Variants in ZNF385D observed in about 807,000 individuals in gnomAD.
ZNF385D encodes zinc finger protein 659.
A neutral mutation model predicts 35.8 loss-of-function variants in ZNF385D; 15 were observed. That is an observed-to-expected ratio of 0.42 (90% CI 0.28 to 0.64). The LOEUF is 0.64. Among genes scored for constraint, ZNF385D ranks in the 30% least tolerant of loss-of-function variants. ZNF385D has a pLI of 0.23. For synonymous variants in ZNF385D, 212 were observed against 186.8 expected, an observed-to-expected ratio of 1.13 and a Z score of -1.10; for missense variants, 474 against 494.6, an observed-to-expected ratio of 0.96 and a Z score of 0.39.
At chr3:22,271,749 C>A (rs894442097) in intron 2 of ZNF385D, among the ~76,000 whole-genome samples, 4 of 151,984 alleles carry the variant, frequency 2.6e-5, no homozygotes, top group Admixed American at 6.6e-5. Context: ...CTCCGTAACC[C>A]CTCCCATCAA....
intron 4 of ZNF385D, among the ~76,000 whole-genome samples, chr3:21,453,160 T>C (rs1702567080): frequency 1.2e-5 from 1 of 84,358 alleles, no homozygotes; most frequent in Non-Finnish European, 3.0e-5. Context: ...CAAATAAGCA[T>C]ACACATGCAA....
chr3:21,796,937 G>T (rs1458460319), intron 3 of ZNF385D, among the ~76,000 whole-genome samples: 1 of 152,124 alleles, frequency 6.6e-6, no homozygotes, highest in Admixed American at 6.6e-5. Flanking sequence ...CCTTCCCCCT[G>T]CCCATACTTA....
At chr3:22,250,875 A>G (rs764781745) in intron 2 of ZNF385D, among the ~76,000 whole-genome samples, 2 of 152,044 alleles carry the variant, frequency 1.3e-5, no homozygotes, top group Non-Finnish European at 2.9e-5. Context: ...ACCTTAATCC[A>G]TGGGATCCAA....
intron 3 of ZNF385D, among the ~76,000 whole-genome samples, chr3:21,872,720 C>A (rs961580000): frequency 2.6e-5 from 4 of 152,058 alleles, no homozygotes; most frequent in African/African-American, 4.8e-5. Flanking sequence ...CAAACCTAAA[C>A]TTCTGAAGGG....
intron 2 of ZNF385D, among the ~76,000 whole-genome samples, chr3:22,190,742 T>G (rs1311239283): frequency 1.3e-5 from 2 of 152,166 alleles, no homozygotes; most frequent in African/African-American, 4.8e-5. Flanking sequence ...AACATATCCA[T>G]ACACAGGAAA....
intron 4 of ZNF385D, among the ~76,000 whole-genome samples, chr3:21,509,626 C>G (rs1451754418): frequency 1.3e-5 from 2 of 151,924 alleles, no homozygotes; most frequent in Non-Finnish European, 2.9e-5. Context: ...TATCAGAGAA[C>G]CAAACCAAAG....
chr3:21,854,158 T>A (rs1696575033), intron 3 of ZNF385D, among the ~76,000 whole-genome samples: 1 of 151,690 alleles, frequency 6.6e-6, no homozygotes, highest in Non-Finnish European at 1.5e-5. Context: ...AAAAGGGCAG[T>A]CTTAACTTTC....
At chr3:21,658,374 C>G (rs1031562806) in intron 2 of ZNF385D, among the ~76,000 whole-genome samples, 10 of 152,002 alleles carry the variant, frequency 6.6e-5, no homozygotes, top group Non-Finnish European at 1.2e-4. Flanking sequence ...GCTTGCTTTT[C>G]TTTCCTAATA....
In ZNF385D at chr3:21,703,540, A is replaced by G. The variant is rs554547546; in HGVS notation, c.23-38512T>C. Among the ~76,000 whole-genome samples, 4 of 152,182 alleles carry G rather than the reference A, an allele frequency of 2.6e-5. No homozygotes were observed. In the South Asian group the frequency reaches 8.3e-4, roughly 32 times the overall value. On this transcript the variant is annotated intron_variant, in intron 1 of 7. Coordinates refer to ENST00000281523, the MANE Select transcript of ZNF385D (RefSeq NM_024697.3). The stretch of plus-strand genomic sequence containing the variant: ...CATTGTAAATAACCCCTCTATTAAA[A>G]TGTTTTCCATTACACAGTTTCAGCA...
intron 3 of ZNF385D, among the ~76,000 whole-genome samples, chr3:21,546,359 G>A (rs142129924): frequency 1.8e-4 from 28 of 152,096 alleles, no homozygotes; most frequent in African/African-American, 6.5e-4. Context: ...ATCACCCAGA[G>A]GTTTCCTTTT....
intron 3 of ZNF385D, among the ~76,000 whole-genome samples, chr3:21,560,333 A>G (rs554290138): frequency 6.6e-6 from 1 of 152,172 alleles, no homozygotes; most frequent in South Asian, 2.1e-4. Context: ...TGACCTTCGG[A>G]TGGGGTCTGT....
At chr3:22,216,647 T>G (rs1032896022) in intron 2 of ZNF385D, among the ~76,000 whole-genome samples, 2 of 152,154 alleles carry the variant, frequency 1.3e-5, no homozygotes, top group Non-Finnish European at 2.9e-5. Flanking sequence ...GAGAGTAGAT[T>G]GAGCTGTGTC....
intron 3 of ZNF385D, among the ~76,000 whole-genome samples, chr3:21,812,381 C>G (rs1454138200): frequency 2.0e-5 from 3 of 152,220 alleles, no homozygotes; most frequent in Admixed American, 1.3e-4. Flanking sequence ...GGAGTGTGAG[C>G]TGAAGCAGGG....
intron 3 of ZNF385D, among the ~76,000 whole-genome samples, chr3:21,997,402 G>A (rs1050796436): frequency 6.6e-6 from 1 of 152,086 alleles, no homozygotes; most frequent in Non-Finnish European, 1.5e-5. Flanking sequence ...TAATGTAAAT[G>A]ACGAGTTAAC....
intron 2 of ZNF385D, among the ~76,000 whole-genome samples, chr3:21,598,016 T>G (rs554123987): frequency 2.6e-5 from 4 of 152,164 alleles, no homozygotes; most frequent in Non-Finnish European, 5.9e-5. Flanking sequence ...GAATTAATAT[T>G]TACTGATTTA....
chr3:21,494,793 A>C (rs962857873), intron 4 of ZNF385D, among the ~76,000 whole-genome samples: 1 of 152,094 alleles, frequency 6.6e-6, no homozygotes, highest in Admixed American at 6.6e-5. Context: ...GCTACATCTC[A>C]TGACTAGAAA....
intron 4 of ZNF385D, among the ~76,000 whole-genome samples, chr3:21,455,534 T>G (rs1330284354): frequency 6.6e-6 from 1 of 152,212 alleles, no homozygotes; most frequent in Admixed American, 6.5e-5. Context: ...GCTAGCCATA[T>G]GTAGAAAGCT....
At chr3:21,845,159 A>G (rs935608142) in intron 3 of ZNF385D, among the ~76,000 whole-genome samples, 2 of 152,018 alleles carry the variant, frequency 1.3e-5, no homozygotes, top group South Asian at 4.1e-4. Context: ...GTCTACTTCT[A>G]CGAATGCCAG....
chr3:22,281,888 T>C (rs371264081), intron 2 of ZNF385D, among the ~76,000 whole-genome samples: 13 of 151,900 alleles, frequency 8.6e-5, no homozygotes, highest in Admixed American at 2.6e-4. Flanking sequence ...TTGTTGGTGG[T>C]GGTGGTAACT....
Sources: allele counts gnomAD v4.1 joint callset (sites outside exome capture counted in the v4.1 genomes callset), GRCh38; gene constraint gnomAD v4.1.1; transcripts MANE v1.5; gene names NCBI Gene and HGNC (gene_info 2026-07-23, HGNC 2026-07-21).